SLC25A21: variants seen among roughly 807,000 people sequenced by gnomAD.
SLC25A21 encodes mitochondrial 2-oxodicarboxylate carrier.
A neutral mutation model predicts 43.8 loss-of-function variants in SLC25A21; 47 were observed. The observed-to-expected ratio is 1.07, with a 90% CI of 0.85 to 1.37. The LOEUF (loss-of-function observed/expected upper bound fraction) is 1.37, where lower values mean the gene tolerates loss of function less well. Ranked by LOEUF, SLC25A21 falls within the 40% of genes most tolerant of loss-of-function variation. The probability of loss-of-function intolerance (pLI) is 0.00; values close to 1 mark genes in which losing one functional copy is unlikely to be tolerated. For missense variants in SLC25A21, 352 were observed against 350.2 expected (o/e 1.00, Z -0.04); for synonymous variants, 131 against 121.3 (o/e 1.08, Z -0.52).
intron 1 of SLC25A21, among the ~76,000 whole-genome samples, chr14:36,983,490 A>G (rs890611321): frequency 3.9e-5 from 6 of 152,228 alleles, no homozygotes; most frequent in Non-Finnish European, 7.3e-5. Context: ...GAAAAAGTAA[A>G]GAAACAAAAA....
intron 6 of SLC25A21, among the ~76,000 whole-genome samples, chr14:36,721,253 T>C (rs1203584973): frequency 6.6e-6 from 1 of 152,234 alleles, no homozygotes; most frequent in East Asian, 1.9e-4. Flanking sequence ...TGCCAGGCCA[T>C]ACTGACAGCT....
chr14:36,680,034 G>T lies in SLC25A21; in HGVS notation c.*624C>A. ...TTACAGCAATATGAGATATAAAGTA[G>T]ATGTAGGAAAATAGAGCTGATATGT... On this transcript the variant is annotated 3_prime_UTR_variant, in exon 10 of 10. Coordinates refer to ENST00000331299, the MANE Select transcript of SLC25A21 (RefSeq NM_030631.4). 1.1e-6 allele frequency: 1 copy of T among 869,618 alleles called. No individual in the cohort carries two copies. Among genetic ancestry groups the T allele is most frequent in the Non-Finnish European group, 1.4e-6 (1 of 726,374 alleles). The allele number at this position is 869,618 out of a possible 1,614,324, so 53.9% of individuals were successfully genotyped here.
intron 3 of SLC25A21, among the ~76,000 whole-genome samples, chr14:36,764,195 AAAG>A (rs1886310323): frequency 1.3e-5 from 2 of 149,368 alleles, no homozygotes; most frequent in Admixed American, 6.7e-5. Context: ...AAAGAAAGAG[AAAG>A]AAAGAAACTG....
intron 9 of SLC25A21, among the ~76,000 whole-genome samples, chr14:36,683,228 G>A (rs1000306228): frequency 2.0e-5 from 3 of 152,250 alleles, no homozygotes; most frequent in Admixed American, 6.5e-5. Context: ...GATTCTCCCT[G>A]TGGGAATGGC....
At chr14:37,110,532 A>G (rs1358985090) in intron 1 of SLC25A21, among the ~76,000 whole-genome samples, 1 of 152,192 alleles carries the variant, frequency 6.6e-6, no homozygotes, top group Non-Finnish European at 1.5e-5. Flanking sequence ...TAAAGATACA[A>G]TGAAGGCACT....
chr14:36,843,024 A>C (rs1889434258), intron 2 of SLC25A21, among the ~76,000 whole-genome samples: 1 of 152,194 alleles, frequency 6.6e-6, no homozygotes, highest in East Asian at 1.9e-4. Context: ...CCTCACAAGC[A>C]CAGTTCACAA....
chr14:36,753,662 A>T (rs1885800763), intron 3 of SLC25A21, among the ~76,000 whole-genome samples: 1 of 152,222 alleles, frequency 6.6e-6, no homozygotes, highest in Non-Finnish European at 1.5e-5. Context: ...CTGTAAAGAC[A>T]TTGATGATTT....
chr14:36,808,953 A>ATAGTC (rs1311627872), intron 3 of SLC25A21: 1 of 152,152 alleles, frequency 6.6e-6, no homozygotes, highest in Non-Finnish European at 1.5e-5. Context: ...GACATAATGT[A>ATAGTC]TAGTCCCCTC....
At position 36,679,600 on chromosome 14, in the gene SLC25A21, G is replaced by C; in HGVS notation, c.*1058C>G. ...ATAGTAATCCTTAGAAATGCTAAGT[G>C]TATTTCTTTTTCAGAACATTTCCCC... is the stretch of plus-strand genomic sequence containing the variant. On this transcript the variant is annotated 3_prime_UTR_variant, in exon 10 of 10. Transcript: ENST00000331299. 1.0e-6 allele frequency: 1 copy of C among 985,378 alleles called. No individual in the cohort carries two copies. Among genetic ancestry groups the C allele is most frequent in the Non-Finnish European group, 1.2e-6 (1 of 829,884 alleles). The allele number at this position is 985,378 out of a possible 1,614,324, so 61.0% of individuals were successfully genotyped here. A position where few individuals can be genotyped will look rare whatever the true frequency, so the allele number is the denominator to read the frequency against.
At chr14:36,840,283 A>C (rs1889345694) in intron 2 of SLC25A21, among the ~76,000 whole-genome samples, 1 of 152,208 alleles carries the variant, frequency 6.6e-6, no homozygotes, top group Admixed American at 6.5e-5. Context: ...CATATGAGTC[A>C]AGCCTTCAGT....
At chr14:36,824,561 A>G (rs1026936990) in intron 2 of SLC25A21, among the ~76,000 whole-genome samples, 1 of 152,102 alleles carries the variant, frequency 6.6e-6, no homozygotes, top group East Asian at 1.9e-4. Flanking sequence ...CTAGTTTCAC[A>G]GTTTCCTTAT....
rs555336881 is a variant in SLC25A21 at position 36,906,856 on chromosome 14, C to A, written c.71-31852G>T. ...AGGAAAATGGCTGTGAGGGTCTGCA[C>A]TGGTCCTTAAAAATGCATCTCCAGC... On this transcript the variant is annotated intron_variant, in intron 1 of 9. Transcript: ENST00000331299. Among the ~76,000 whole-genome samples, 78 of 152,220 alleles carry A rather than the reference C, an allele frequency of 5.1e-4. 2 individuals carry two copies. The highest frequency in any genetic ancestry group is 8.8e-5 in the Non-Finnish European group (6 of 68,008).
chr14:36,923,664 T>C (rs79801148), intron 1 of SLC25A21, among the ~76,000 whole-genome samples: 11,532 of 152,192 alleles, frequency 0.076, 693 homozygotes, highest in East Asian at 0.24. Context: ...GGATGGGATG[T>C]GAAAAATGGA....
chr14:37,065,259 T>C (rs1379148442), intron 1 of SLC25A21, among the ~76,000 whole-genome samples: 1 of 152,258 alleles, frequency 6.6e-6, no homozygotes, highest in Non-Finnish European at 1.5e-5. Flanking sequence ...CATGGTAGCC[T>C]AGGTTATTCA....
At chr14:36,736,848 GT>G (rs1173586769) in intron 3 of SLC25A21, among the ~76,000 whole-genome samples, 1 of 152,228 alleles carries the variant, frequency 6.6e-6, no homozygotes, top group African/African-American at 2.4e-5. Context: ...TTGTTTCCAG[GT>G]GGTAGAACTA....
chr14:36,928,125 G>A (rs980559613), intron 1 of SLC25A21, among the ~76,000 whole-genome samples: 1 of 152,124 alleles, frequency 6.6e-6, no homozygotes, highest in Non-Finnish European at 1.5e-5. Flanking sequence ...GGCCTCTCCC[G>A]CGAAGAGGTC....
chr14:36,930,532 G>T (rs113305584), intron 1 of SLC25A21, among the ~76,000 whole-genome samples: 1 of 151,822 alleles, frequency 6.6e-6, no homozygotes, highest in African/African-American at 2.4e-5. Flanking sequence ...GCCTTATATC[G>T]ATCTGTAACT....
intron 1 of SLC25A21, among the ~76,000 whole-genome samples, chr14:36,950,467 T>G (rs530960327): frequency 6.6e-6 from 1 of 152,174 alleles, no homozygotes; most frequent in African/African-American, 2.4e-5. Context: ...AGCAAGAAAG[T>G]TGCCATCTGC....
At chr14:36,854,934 G>C (rs1008990582) in intron 2 of SLC25A21, among the ~76,000 whole-genome samples, 3 of 56,742 alleles carry the variant, frequency 5.3e-5, no homozygotes, top group South Asian at 9.1e-4. Flanking sequence ...GGCATGAGGT[G>C]GGGGGGGGTA....
Sources: allele counts gnomAD v4.1 joint callset (sites outside exome capture counted in the v4.1 genomes callset), GRCh38; gene constraint gnomAD v4.1.1; transcripts MANE v1.5; gene names NCBI Gene and HGNC (gene_info 2026-07-23, HGNC 2026-07-21).